The following ELMO1 variants were observed in gnomAD, a reference collection of about 807,000 sequenced individuals.
The protein encoded by ELMO1 is engulfment and cell motility 1, also known as engulfment and cell motility protein 1.
ELMO1 carries 26 observed loss-of-function variants against 98.9 expected under a neutral mutation model. That is an observed-to-expected ratio of 0.26 (90% CI 0.19 to 0.36). ELMO1 has a LOEUF of 0.36. Ranked by LOEUF, ELMO1 falls within the 10% of genes least tolerant of loss-of-function variation. The pLI, the probability that ELMO1 is intolerant of heterozygous loss-of-function variation, is 1.00. For synonymous variants in ELMO1, 346 were observed against 346.0 expected (o/e 1.00, Z 0.00); for missense variants, 627 against 935.2 (o/e 0.67, Z 4.30).
At chr7:36,949,044 A>T (rs1787750114) in intron 16 of ELMO1, among the ~76,000 whole-genome samples, 1 of 151,968 alleles carries the variant, frequency 6.6e-6, no homozygotes, top group Non-Finnish European at 1.5e-5. Flanking sequence ...TTAGTAGAGA[A>T]GGGGTTTCAC....
intron 16 of ELMO1, among the ~76,000 whole-genome samples, chr7:36,921,261 TG>T (rs80352916): frequency 0.018 from 2,797 of 152,332 alleles, 118 homozygotes; most frequent in East Asian, 0.17. Flanking sequence ...TGAGAAGCAG[TG>T]TGGCCCTGTG....
At chr7:37,045,324 G>A (rs1795739382) in intron 15 of ELMO1, among the ~76,000 whole-genome samples, 1 of 152,162 alleles carries the variant, frequency 6.6e-6, no homozygotes, top group Non-Finnish European at 1.5e-5. Context: ...AGGGGACATG[G>A]GAACTCAGTG....
intron 19 of ELMO1, 119 bp downstream of exon 19, chr7:36,877,891 A>G: frequency 1.3e-6 from 1 of 751,516 alleles, no homozygotes; most frequent in Admixed American, 2.6e-5. Context: ...ACGACTTACA[A>G]CTAGATGAGA....
chr7:37,128,171 C>A (rs2541077), intron 14 of ELMO1, among the ~76,000 whole-genome samples: 25,415 of 152,032 alleles, frequency 0.17, 2,390 homozygotes, highest in African/African-American at 0.25. Context: ...GCAGCCTGGG[C>A]AAAAGAGTGA....
chr7:37,016,786 A>G (rs1793965588), intron 15 of ELMO1, among the ~76,000 whole-genome samples: 1 of 152,220 alleles, frequency 6.6e-6, no homozygotes, highest in African/African-American at 2.4e-5. Context: ...TTTTAAGATT[A>G]TAAATAGGAG....
chr7:37,217,061 T>C (rs1310079550), intron 10 of ELMO1, among the ~76,000 whole-genome samples: 2 of 152,356 alleles, frequency 1.3e-5, no homozygotes, highest in South Asian at 2.1e-4. Context: ...AAAGCTTTTA[T>C]TAGGCAACAC....
intron 1 of ELMO1, among the ~76,000 whole-genome samples, chr7:37,413,833 A>T (rs949572149): frequency 6.6e-6 from 1 of 151,852 alleles, no homozygotes; most frequent in Non-Finnish European, 1.5e-5. Context: ...GCACACCACC[A>T]CGTCTGGCTA....
At chr7:37,130,874 GAT>G (rs1786876890) in intron 14 of ELMO1, among the ~76,000 whole-genome samples, 1 of 152,050 alleles carries the variant, frequency 6.6e-6, no homozygotes, top group Non-Finnish European at 1.5e-5. Flanking sequence ...TCAAATGAAA[GAT>G]ATAAATAATA....
chr7:37,118,246 A>G (rs1785736097), intron 14 of ELMO1, among the ~76,000 whole-genome samples: 1 of 152,104 alleles, frequency 6.6e-6, no homozygotes, highest in Non-Finnish European at 1.5e-5. Context: ...GTTCCCTTCA[A>G]TGCATACTGT....
At chr7:37,448,525 C>G (rs955342319) in intron 1 of ELMO1, 150 bp downstream of exon 1, 2 of 152,296 alleles carry the variant, frequency 1.3e-5, no homozygotes, top group African/African-American at 4.8e-5. Context: ...CGAGCCGCGG[C>G]GCCCCCAGGG....
chr7:37,219,605 T>C (rs924506425), intron 10 of ELMO1, among the ~76,000 whole-genome samples: 3 of 151,952 alleles, frequency 2.0e-5, no homozygotes, highest in Non-Finnish European at 2.9e-5. Context: ...CTTCGGGGAG[T>C]TGTTTACTTG....
intron 1 of ELMO1, among the ~76,000 whole-genome samples, chr7:37,350,223 G>C (rs975706621): frequency 6.6e-6 from 1 of 152,206 alleles, no homozygotes; most frequent in Admixed American, 6.5e-5. Context: ...AGCAGAAAGA[G>C]AATAAACAGA....
At chr7:36,890,404 C>T (rs1805448615) in intron 17 of ELMO1, among the ~76,000 whole-genome samples, 1 of 152,196 alleles carries the variant, frequency 6.6e-6, no homozygotes, top group Admixed American at 6.5e-5. Context: ...CACTGTCCAT[C>T]TCTCTGCTGA....
At chr7:37,069,917 GCT>G (rs1797182618) in intron 15 of ELMO1, among the ~76,000 whole-genome samples, 1 of 152,028 alleles carries the variant, frequency 6.6e-6, no homozygotes, top group African/African-American at 2.4e-5. Flanking sequence ...TAATTTCTGT[GCT>G]CTCTCTGCAT....
intron 15 of ELMO1, among the ~76,000 whole-genome samples, chr7:37,074,104 T>A (rs1004355668): frequency 1.4e-5 from 2 of 148,100 alleles, no homozygotes; most frequent in Non-Finnish European, 3.0e-5. Context: ...TATGCAAAAA[T>A]ATATATTTAA....
intron 10 of ELMO1, among the ~76,000 whole-genome samples, chr7:37,217,159 A>T (rs1330702603): frequency 6.6e-6 from 1 of 152,196 alleles, no homozygotes; most frequent in Non-Finnish European, 1.5e-5. Context: ...TACATATACC[A>T]GGCTACATAA....
intron 18 of ELMO1, among the ~76,000 whole-genome samples, chr7:36,879,695 G>A (rs77012723): frequency 4.6e-5 from 7 of 152,096 alleles, no homozygotes; most frequent in East Asian, 1.9e-4. Flanking sequence ...GTCAGAGTAC[G>A]GCAATCCATA....
chr7:37,379,460 C>A (rs1240294681), intron 1 of ELMO1, among the ~76,000 whole-genome samples: 1 of 152,198 alleles, frequency 6.6e-6, no homozygotes, highest in Admixed American at 6.5e-5. Flanking sequence ...TGAAGCTCAT[C>A]TACTGATCTT....
intron 16 of ELMO1, among the ~76,000 whole-genome samples, chr7:37,012,170 A>G (rs1423835655): frequency 6.6e-6 from 1 of 152,234 alleles, no homozygotes; most frequent in Non-Finnish European, 1.5e-5. Context: ...GTGCTGAGGA[A>G]GAAACTCAGG....
Sources: allele counts gnomAD v4.1 joint callset (sites outside exome capture counted in the v4.1 genomes callset), GRCh38; gene constraint gnomAD v4.1.1; transcripts MANE v1.5; gene names NCBI Gene and HGNC (gene_info 2026-07-23, HGNC 2026-07-21).